Variants in CHST9 observed in about 807,000 individuals in gnomAD.
CHST9 encodes GalNAc-4-sulfotransferase 2.
In CHST9, 41 loss-of-function variants were observed where a neutral mutation model predicts 44.4. That is an observed-to-expected ratio of 0.92 (90% CI 0.72 to 1.20). The LOEUF is 1.20. CHST9 is among the 50% of genes most tolerant of loss of function. The pLI is 0.00. For synonymous variants in CHST9, 171 were observed against 178.4 expected (o/e 0.96, Z 0.33); for missense variants, 504 against 516.5 (o/e 0.98, Z 0.23).
At position 27,053,310 on chromosome 18, in the gene CHST9, G is replaced by GAGA. The variant is rs1181346647; in HGVS notation, c.122-4810_122-4808dup. Among the ~76,000 whole-genome samples the GAGA allele has an allele frequency of 5.5e-4, 68 of 124,378 alleles. 2 individuals are homozygous for GAGA. The highest frequency in any genetic ancestry group is 1.7e-3 in the African/African-American group (56 of 33,160). 81.6% of individuals were successfully genotyped at this position (124,378 alleles called of 152,430 possible). On this transcript the variant is annotated intron_variant, in intron 2 of 5. Coordinates refer to ENST00000618847, the MANE Select transcript of CHST9 (RefSeq NM_031422.6). The stretch of plus-strand genomic sequence containing the variant: ...GGAGAAGGAGAAGGAGAAGGAGAAG[G>GAGA]AGAAGGAGAAGGAGAAGATTTCATT...
At chr18:27,174,764 A>G (rs901369833) in intron 1 of CHST9, among the ~76,000 whole-genome samples, 2 of 152,004 alleles carry the variant, frequency 1.3e-5, no homozygotes, top group African/African-American at 4.8e-5. Context: ...GGGTTCACGG[A>G]TACTTTTCTT....
chr18:26,921,399 C>T (rs753459251), intron 5 of CHST9, among the ~76,000 whole-genome samples: 1 of 152,174 alleles, frequency 6.6e-6, no homozygotes, highest in Non-Finnish European at 1.5e-5. Flanking sequence ...TTCCTCTAGT[C>T]TAACCAAATT....
chr18:26,913,664 T>G lies in CHST9; in HGVS notation c.*2595A>C, dbSNP rs1029874654. 2.0e-5 allele frequency: 3 copies of G among 152,212 alleles called. No individual in the cohort carries two copies. Among genetic ancestry groups the G allele is most frequent in the African/African-American group, 7.2e-5 (3 of 41,466 alleles). 9.4% of individuals were successfully genotyped at this position (152,212 alleles called of 1,614,324 possible). ...AATGTTAAAATGGGAACTTTGGACA[T>G]CTGGAAGATGAGTCTGGATTTGGTC... On this transcript the variant is annotated 3_prime_UTR_variant, in exon 6 of 6. Transcript: ENST00000618847.
chr18:27,101,355 G>A (rs2058169351), intron 2 of CHST9, among the ~76,000 whole-genome samples: 1 of 152,134 alleles, frequency 6.6e-6, no homozygotes, highest in South Asian at 2.1e-4. Context: ...ACTTTGGGAG[G>A]CCGAGGCGGG....
chr18:26,953,289 T>C (rs926182426), intron 4 of CHST9, among the ~76,000 whole-genome samples: 3 of 152,110 alleles, frequency 2.0e-5, no homozygotes, highest in South Asian at 4.2e-4. Context: ...TGGATGGAAG[T>C]TGGGGAGAAT....
intron 2 of CHST9, among the ~76,000 whole-genome samples, chr18:27,064,329 G>A (rs2057758376): frequency 6.6e-6 from 1 of 152,006 alleles, no homozygotes; most frequent in African/African-American, 2.4e-5. Flanking sequence ...GCATGATGGG[G>A]CCCAGGTTGC....
chr18:27,132,869 T>A (rs1567930791), intron 2 of CHST9, among the ~76,000 whole-genome samples: 1 of 152,190 alleles, frequency 6.6e-6, no homozygotes, highest in Non-Finnish European at 1.5e-5. Context: ...TCTGCTCCTT[T>A]CTTCCTGTCT....
At chr18:26,987,204 G>A (rs927501546) in intron 4 of CHST9, among the ~76,000 whole-genome samples, 20 of 152,168 alleles carry the variant, frequency 1.3e-4, no homozygotes, top group Admixed American at 7.9e-4. Flanking sequence ...TAGTTCTTGA[G>A]GGAATGGATT....
chr18:27,063,225 T>C (rs1451833453), intron 2 of CHST9, among the ~76,000 whole-genome samples: 2 of 152,178 alleles, frequency 1.3e-5, no homozygotes, highest in African/African-American at 2.4e-5. Flanking sequence ...AGATTCTGGA[T>C]TAGAATCCAG....
At position 26,916,786 on chromosome 18, in the gene CHST9, G is replaced by A. The variant is rs529961707; in HGVS notation, c.805C>T (p.Arg269Cys). ...DSFDLKGIYT[R>C]LNTYTKAVFV... is the part of the protein sequence containing the mutation. ...ACAGCTTTGGTGTAAGTATTTAAGC[G>A]GGTATATATCCCTTTTAGGTCAAAG... The change falls in exon 6 of 6, where the codon CGC (arginine) becomes TGC (cysteine). Residue 269 changes from arginine to cysteine, a missense_variant. Physicochemically the swap from Arg to Cys is radical, Grantham distance 180. Coordinates refer to ENST00000618847, the MANE Select transcript of CHST9 (RefSeq NM_031422.6). 5.1e-5 allele frequency: 83 copies of A among 1,613,820 alleles called. No individual in the cohort carries two copies. In the South Asian group the frequency reaches 7.2e-4, roughly 14 times the overall value.
At chr18:26,987,384 T>A (rs771534979) in intron 4 of CHST9, among the ~76,000 whole-genome samples, 2 of 152,198 alleles carry the variant, frequency 1.3e-5, no homozygotes, top group African/African-American at 2.4e-5. Context: ...ATATGCCAAA[T>A]AAACATTTTT....
intron 2 of CHST9, among the ~76,000 whole-genome samples, chr18:27,066,568 A>G (rs2057784528): frequency 6.6e-6 from 1 of 152,140 alleles, no homozygotes; most frequent in African/African-American, 2.4e-5. Flanking sequence ...AAGAGTTGGG[A>G]TTATAGGCAT....
At chr18:26,934,024 G>A (rs144107770) in intron 5 of CHST9, among the ~76,000 whole-genome samples, 77 of 152,234 alleles carry the variant, frequency 5.1e-4, no homozygotes, top group South Asian at 1.7e-3. Flanking sequence ...GCCATCACAC[G>A]TGAATGGGCC....
chr18:27,168,495 G>C (rs1012508562), intron 1 of CHST9, among the ~76,000 whole-genome samples: 3 of 152,174 alleles, frequency 2.0e-5, no homozygotes, highest in African/African-American at 7.2e-5. Flanking sequence ...GACCTGGCCA[G>C]GGTAATACCA....
At chr18:26,917,504 A>C (rs1356887006) in intron 5 of CHST9, among the ~76,000 whole-genome samples, 154 bp from the exon 6 acceptor site, 1 of 152,138 alleles carries the variant, frequency 6.6e-6, no homozygotes, top group African/African-American at 2.4e-5. Flanking sequence ...CTGAACATAC[A>C]TTTTGTAGTG....
intron 2 of CHST9, among the ~76,000 whole-genome samples, chr18:27,128,078 A>G (rs191222839): frequency 6.6e-6 from 1 of 152,274 alleles, no homozygotes; most frequent in East Asian, 1.9e-4. Flanking sequence ...GGACTCATCA[A>G]TTTATCCTGG....
At chr18:27,011,391 C>T (rs1786636) in intron 4 of CHST9, among the ~76,000 whole-genome samples, 54,728 of 151,774 alleles carry the variant, frequency 0.36, 10,322 homozygotes, top group East Asian at 0.46. Flanking sequence ...GGGCCGTGAG[C>T]GGAAGGTAAG....
In CHST9 at chr18:26,961,955, G is replaced by A. The variant is rs578140146; in HGVS notation, c.203-17589C>T. ...GGCTGGCTACTGGAAATACAAAGGCGAAAGGGTATAATCAGTCCCTCCTCT... is the reference window on the plus strand; with the variant it reads ...GGCTGGCTACTGGAAATACAAAGGCAAAAGGGTATAATCAGTCCCTCCTCT... On this transcript the variant is annotated intron_variant, in intron 4 of 5. Transcript: ENST00000618847. Among the ~76,000 whole-genome samples, 28 of 152,252 alleles carry A rather than the reference G, an allele frequency of 1.8e-4. No homozygotes were observed. The South Asian group carries it at 3.3e-3, about 18-fold the overall frequency.
At chr18:27,039,119 A>C (rs1452607657) in intron 3 of CHST9, among the ~76,000 whole-genome samples, 1 of 152,188 alleles carries the variant, frequency 6.6e-6, no homozygotes, top group Non-Finnish European at 1.5e-5. Context: ...TTTCTGCCTA[A>C]GTTAAAACCT....
Sources: gnomAD v4.1 joint callset for allele counts (sites outside exome capture counted in the v4.1 genomes callset) on GRCh38, gnomAD v4.1.1 for gene constraint, MANE v1.5 for transcripts, NCBI Gene and HGNC (gene_info 2026-07-23, HGNC 2026-07-21) for gene names.